Variants in ANKRD6 observed in about 807,000 individuals in gnomAD.
ANKRD6 encodes the protein ankyrin repeat domain 6, also known as ankyrin repeat domain-containing protein 6.
A neutral mutation model predicts 82.3 loss-of-function variants in ANKRD6; 56 were observed. That is an observed-to-expected ratio of 0.68 (90% CI 0.55 to 0.85). The LOEUF (loss-of-function observed/expected upper bound fraction) is 0.85. Ranked by LOEUF, ANKRD6 falls within the 40% of genes least tolerant of loss-of-function variation. The pLI is 0.00. For missense variants in ANKRD6, 852 were observed against 907.6 expected (o/e 0.94, Z 0.79); for synonymous variants, 347 against 352.1 (o/e 0.99, Z 0.16).
Position 89,630,780 on chromosome 6 carries a change from A to T in ANKRD6, c.1960A>T (p.Thr654Ser). ...QPPPATGSEQ[T>S]GPHIRDTSQA... ...GCCACCAGCCACAGGCAGCGAGCAG[A>T]CTGGCCCTCACATTCGGGACACCTC... Residue 654 changes from threonine (T) to serine (S), a missense_variant, in exon 16 of 16, where the codon ACT (threonine) becomes TCT (serine). By Grantham distance (58) the Thr-to-Ser change is moderately conservative. Transcript: ENST00000339746. 6.2e-7 allele frequency: 1 copy of T among 1,613,948 alleles called. No individual in the cohort carries two copies. Among genetic ancestry groups the T allele is most frequent in the Non-Finnish European group, 8.5e-7 (1 of 1,179,874 alleles).
intron 1 of ANKRD6, among the ~76,000 whole-genome samples, chr6:89,474,028 A>G (rs1369976052): frequency 2.0e-5 from 3 of 152,222 alleles, no homozygotes; most frequent in African/African-American, 7.2e-5. Context: ...CATAGATGAA[A>G]GAGAAACAGG....
At chr6:89,450,644 A>C (rs1675283771) in intron 1 of ANKRD6, among the ~76,000 whole-genome samples, 1 of 151,920 alleles carries the variant, frequency 6.6e-6, no homozygotes, top group Non-Finnish European at 1.5e-5. Flanking sequence ...CAGCCTCCCA[A>C]GTACCTAGGA....
intron 2 of ANKRD6, among the ~76,000 whole-genome samples, chr6:89,587,242 A>G (rs984799381): frequency 2.6e-5 from 4 of 151,618 alleles, no homozygotes; most frequent in Non-Finnish European, 4.4e-5. Flanking sequence ...TGTAATCCCA[A>G]CACTTCGGGA....
intron 5 of ANKRD6, among the ~76,000 whole-genome samples, chr6:89,610,997 A>G (rs1383252985): frequency 6.6e-6 from 1 of 152,024 alleles, no homozygotes; most frequent in East Asian, 1.9e-4. Context: ...AAGCTTCCCC[A>G]GGTGATTCTA....
At chr6:89,466,410 T>A (rs999860139) in intron 1 of ANKRD6, among the ~76,000 whole-genome samples, 1 of 152,226 alleles carries the variant, frequency 6.6e-6, no homozygotes, top group African/African-American at 2.4e-5. Context: ...ATTGCCAAAT[T>A]TCCTCCTAGA....
At chr6:89,506,552 C>T (rs565072676) in intron 1 of ANKRD6, among the ~76,000 whole-genome samples, 141 of 152,248 alleles carry the variant, frequency 9.3e-4, no homozygotes, top group Non-Finnish European at 1.8e-3. Context: ...TGACGTCAAG[C>T]GATCCGCCCT....
At chr6:89,480,749 G>C (rs1017437011) in intron 1 of ANKRD6, among the ~76,000 whole-genome samples, 2 of 151,106 alleles carry the variant, frequency 1.3e-5, no homozygotes, top group Non-Finnish European at 2.9e-5. Context: ...ACCAGTCTGG[G>C]CAACATAGTG....
intron 1 of ANKRD6, among the ~76,000 whole-genome samples, chr6:89,518,069 G>A (rs1008743613): frequency 2.6e-5 from 4 of 152,188 alleles, no homozygotes; most frequent in African/African-American, 4.8e-5. Flanking sequence ...CTGTTTTCAT[G>A]GTGTCTAGTG....
intron 1 of ANKRD6, among the ~76,000 whole-genome samples, chr6:89,548,785 G>A (rs908273799): frequency 1.3e-5 from 2 of 152,252 alleles, no homozygotes; most frequent in African/African-American, 4.8e-5. Context: ...GTTAGCAAAT[G>A]AGGGTTACGC....
chr6:89,595,469 C>G (rs1334259561), intron 2 of ANKRD6, among the ~76,000 whole-genome samples: 2 of 151,936 alleles, frequency 1.3e-5, no homozygotes, highest in East Asian at 3.8e-4. Context: ...TCAGTTCAAT[C>G]AACAGTTTTA....
At chr6:89,449,650 A>G (rs919365739) in intron 1 of ANKRD6, among the ~76,000 whole-genome samples, 30 of 152,182 alleles carry the variant, frequency 2.0e-4, no homozygotes, top group Admixed American at 1.1e-3. Flanking sequence ...ATTTTCACCA[A>G]TGAACCTATG....
In ANKRD6 at chr6:89,549,246, G is replaced by T. The variant is rs555122106; in HGVS notation, c.-143-17588G>T. On this transcript the variant is annotated intron_variant, in intron 1 of 15. Coordinates refer to ENST00000339746, the MANE Select transcript of ANKRD6 (RefSeq NM_001242809.2). ...AAAAGGAAAAAGTTTAATTGCCATTGTAATAATATTAAGAGGTGAGATGTG... is the reference window on the plus strand; with the variant it reads ...AAAAGGAAAAAGTTTAATTGCCATTTTAATAATATTAAGAGGTGAGATGTG... Among the ~76,000 whole-genome samples the T allele has an allele frequency of 4.6e-5, 7 of 152,236 alleles. 1 individual carries two copies. The highest frequency in any genetic ancestry group is 1.2e-4 in the African/African-American group (5 of 41,550).
intron 1 of ANKRD6, among the ~76,000 whole-genome samples, chr6:89,460,665 AC>A (rs1185868628): frequency 6.6e-6 from 1 of 151,700 alleles, no homozygotes. Context: ...CGAACTCCTG[AC>A]CCCAGGCAAT....
At position 89,530,087 on chromosome 6, in the gene ANKRD6, A is replaced by G. The variant is rs137961923; in HGVS notation, c.-143-36747A>G. Reference sequence around the variant, plus strand: ...TGGGCAATGTGGTGAAACCCTGCCTATACAAAAAGATACAAAAATTAGTTG... The same window carrying G: ...TGGGCAATGTGGTGAAACCCTGCCTGTACAAAAAGATACAAAAATTAGTTG... On this transcript the variant is annotated intron_variant, in intron 1 of 15. Transcript: ENST00000339746. Among the ~76,000 whole-genome samples the G allele has an allele frequency of 4.1e-3, 622 of 151,974 alleles. 5 individuals are homozygous for G. Among genetic ancestry groups the G allele is most frequent in the African/African-American group, 0.013 (551 of 41,444 alleles).
intron 2 of ANKRD6, among the ~76,000 whole-genome samples, chr6:89,570,903 C>T (rs924192696): frequency 1.3e-5 from 2 of 152,166 alleles, no homozygotes; most frequent in Non-Finnish European, 2.9e-5. Context: ...TGGTTATATA[C>T]TCAGAAGTGA....
At chr6:89,629,948 G>T (rs773552111) in intron 15 of ANKRD6, among the ~76,000 whole-genome samples, 1 of 152,212 alleles carries the variant, frequency 6.6e-6, no homozygotes, top group Admixed American at 6.5e-5. Context: ...AGCTCTGGGT[G>T]TGGAAAATGG....
intron 1 of ANKRD6, among the ~76,000 whole-genome samples, chr6:89,468,834 CT>C (rs1775138426): frequency 6.6e-6 from 1 of 151,966 alleles, no homozygotes; most frequent in Non-Finnish European, 1.5e-5. Flanking sequence ...TATTGCAAAC[CT>C]TTTTCTCTTG....
At chr6:89,546,508 G>A (rs1372375397) in intron 1 of ANKRD6, among the ~76,000 whole-genome samples, 1 of 152,146 alleles carries the variant, frequency 6.6e-6, no homozygotes, top group Non-Finnish European at 1.5e-5. Context: ...CTGTCACCCA[G>A]GCTGGAATGC....
chr6:89,503,480 A>G (rs911783059), intron 1 of ANKRD6, among the ~76,000 whole-genome samples: 3 of 152,134 alleles, frequency 2.0e-5, no homozygotes, highest in Admixed American at 2.0e-4. Flanking sequence ...GTCAGAGGGA[A>G]CTTGAGTTTG....
Sources: gnomAD v4.1 joint callset for allele counts (sites outside exome capture counted in the v4.1 genomes callset) on GRCh38, gnomAD v4.1.1 for gene constraint, MANE v1.5 for transcripts, NCBI Gene and HGNC (gene_info 2026-07-23, HGNC 2026-07-21) for gene names.